The following ELP2 variants were observed in gnomAD, a reference collection of about 807,000 sequenced individuals.
ELP2 encodes elongator acetyltransferase complex subunit 2.
In ELP2, 90 loss-of-function variants were observed where a neutral mutation model predicts 119.2. That is an observed-to-expected ratio of 0.75 (90% CI 0.64 to 0.90). The LOEUF (loss-of-function observed/expected upper bound fraction) is 0.90, where lower values mean the gene tolerates loss of function less well. Ranked by LOEUF, ELP2 falls within the 40% of genes least tolerant of loss-of-function variation. The probability of loss-of-function intolerance (pLI) is 0.00; values close to 1 mark genes in which losing one functional copy is unlikely to be tolerated. For synonymous variants in ELP2, 339 were observed against 331.0 expected (o/e 1.02, Z -0.26); for missense variants, 921 against 967.8 (o/e 0.95, Z 0.64).
chr18:36,146,783 C>T (rs912845586), intron 11 of ELP2, among the ~76,000 whole-genome samples: 20 of 151,988 alleles, frequency 1.3e-4, no homozygotes, highest in Non-Finnish European at 1.5e-5. Context: ...TGGAGGATTG[C>T]TTGAAGCTAG....
chr18:36,131,016 A>T (rs75090461), intron 1 of ELP2, among the ~76,000 whole-genome samples: 10,404 of 150,138 alleles, frequency 0.069, 429 homozygotes, highest in Non-Finnish European at 0.095. Context: ...AAAAAGTTTA[A>T]AAAAAAAAAT....
At chr18:36,165,724 A>G (rs890959627) in intron 18 of ELP2, among the ~76,000 whole-genome samples, 4 of 152,096 alleles carry the variant, frequency 2.6e-5, no homozygotes, top group Non-Finnish European at 5.9e-5. Context: ...TCTACTAAAA[A>G]TACAAAAATT....
At chr18:36,141,880 A>G (rs1242141897) in intron 6 of ELP2, among the ~76,000 whole-genome samples, 1 of 151,986 alleles carries the variant, frequency 6.6e-6, no homozygotes, top group East Asian at 1.9e-4. Context: ...TTGTAGACAC[A>G]GGGTCTCACT....
chr18:36,130,234 C>A (rs2144535630), intron 1 of ELP2, among the ~76,000 whole-genome samples, 163 bp downstream of exon 1: 1 of 152,252 alleles, frequency 6.6e-6, no homozygotes, highest in East Asian at 1.9e-4. Flanking sequence ...CTGCCGGACT[C>A]GCTCCTCACC....
intron 14 of ELP2, 60 bp downstream of exon 14, chr18:36,158,964 A>C (rs1328989788): frequency 8.6e-7 from 1 of 1,162,634 alleles, no homozygotes; most frequent in Non-Finnish European, 1.3e-6. Context: ...CCAGTCATAC[A>C]CTTGTGTAAT....
intron 17 of ELP2, among the ~76,000 whole-genome samples, chr18:36,164,084 A>G (rs908135767): frequency 6.6e-6 from 1 of 152,102 alleles, no homozygotes; most frequent in African/African-American, 2.4e-5. Flanking sequence ...CTCAGGATTG[A>G]TCTTTTTAAA....
chr18:36,146,348 G>C lies in ELP2; in HGVS notation c.1092G>C (p.Ala364=). 6.2e-7 allele frequency: 1 copy of C among 1,614,068 alleles called. No individual in the cohort carries two copies. The highest frequency in any genetic ancestry group is 1.1e-5 in the South Asian group (1 of 91,084). ...TCATTGCTCATGCTTTCCACGGAGC[G>C]TTGCACCTTTGGAAACAGAATACAG... ...SMIIAHAFHG[A]LHLWKQNTVN... is the part of the protein sequence containing the mutation. Residue 364 remains alanine, a synonymous_variant, in exon 11 of 22, where the codon GCG becomes GCC. Transcript: ENST00000358232.
In ELP2 at chr18:36,175,828, A is replaced by G. The variant is rs1598853851; in HGVS notation, c.*1187A>G. ...CATAGAGCCATTTGGCAGATTGACAATGCAGTGACAGCTGTATATAATAAA... is the reference window on the plus strand; with the variant it reads ...CATAGAGCCATTTGGCAGATTGACAGTGCAGTGACAGCTGTATATAATAAA... On this transcript the variant is annotated 3_prime_UTR_variant, in exon 22 of 22. Coordinates refer to ENST00000358232, the MANE Select transcript of ELP2 (RefSeq NM_018255.4). 2 of 152,078 alleles carry G rather than the reference A, an allele frequency of 1.3e-5. No individual in the cohort carries two copies. Among genetic ancestry groups the G allele is most frequent in the African/African-American group, 2.4e-5 (1 of 41,382 alleles). 9.4% of individuals were successfully genotyped at this position (152,078 alleles called of 1,614,324 possible).
intron 2 of ELP2, among the ~76,000 whole-genome samples, chr18:36,133,971 A>G (rs1469984072): frequency 1.5e-5 from 2 of 132,182 alleles, no homozygotes; most frequent in African/African-American, 3.0e-5. Context: ...GTGCAGTGGC[A>G]AGATCTCGGC....
At chr18:36,136,572 G>A (rs1219843675) in intron 3 of ELP2, 195 bp downstream of exon 3, 3 of 596,042 alleles carry the variant, frequency 5.0e-6, no homozygotes, top group Non-Finnish European at 9.0e-6. Flanking sequence ...GTTTGTTTTT[G>A]TAGAGATGGG....
intron 17 of ELP2, among the ~76,000 whole-genome samples, chr18:36,162,361 G>A (rs574156949): frequency 6.6e-6 from 1 of 152,048 alleles, no homozygotes; most frequent in South Asian, 2.1e-4. Context: ...CATCATAATT[G>A]TTTGAGATTT....
Position 36,141,031 on chromosome 18 carries a change from T to C in ELP2, c.524-106T>C, listed in dbSNP as rs371863640. On this transcript the variant is annotated intron_variant, in intron 5 of 21. Coordinates refer to ENST00000358232, the MANE Select transcript of ELP2 (RefSeq NM_018255.4). Reference sequence around the variant, plus strand: ...ATTATTCGTGTAGTGGTGTGGGAAATTGAAGTCAGGATTCTTTACTTAGAG... The same window carrying C: ...ATTATTCGTGTAGTGGTGTGGGAAACTGAAGTCAGGATTCTTTACTTAGAG... 155 of 901,692 alleles carry C rather than the reference T, an allele frequency of 1.7e-4. 1 individual carries two copies. In the African/African-American group the frequency reaches 2.2e-3, roughly 13 times the overall value. 55.9% of individuals were successfully genotyped at this position (901,692 alleles called of 1,614,324 possible).
At chr18:36,145,810 G>C in intron 9 of ELP2, 138 bp from the exon 10 acceptor site, 1 of 769,382 alleles carries the variant, frequency 1.3e-6, no homozygotes, top group East Asian at 2.5e-5. Flanking sequence ...GACATTTGTG[G>C]TGTTTGCAAT....
intron 7 of ELP2, 94 bp downstream of exon 7, chr18:36,142,441 C>A: frequency 9.5e-7 from 1 of 1,049,354 alleles, no homozygotes; most frequent in Non-Finnish European, 1.5e-6. Flanking sequence ...TTTAAGTTTT[C>A]TTTGTATGTT....
chr18:36,129,911 T>C lies in ELP2; in HGVS notation c.-23T>C, dbSNP rs765943171. The C allele has an allele frequency of 2.2e-5, 35 of 1,614,054 alleles. No homozygotes were observed. Among genetic ancestry groups the C allele is most frequent in the Non-Finnish European group, 2.9e-5 (34 of 1,180,040 alleles). ...AGGGCGGAAGTGCGCGTCTCTTGTT[T>C]GTGCGGCTGACCAGTTGGCGACATG... On this transcript the variant is annotated 5_prime_UTR_variant, in exon 1 of 22. Coordinates refer to ENST00000358232, the MANE Select transcript of ELP2 (RefSeq NM_018255.4).
Position 36,161,000 on chromosome 18 carries a change from G to T in ELP2, c.1757G>T (p.Cys586Phe). The T allele has an allele frequency of 6.2e-7, 1 of 1,612,620 alleles. No individual in the cohort carries two copies. The highest frequency in any genetic ancestry group is 1.1e-5 in the South Asian group (1 of 91,050). ...TCAAAGACTCTGCTTGCCTCAGCTT[G>T]TAAGGTAGGGAAGTTTACTTTTGAT... The part of the protein sequence containing the change: ...NSSKTLLASA[C>F]KAAKKEHAAI... Residue 586 changes from cysteine to phenylalanine, a missense_variant, in exon 17 of 22, where the codon TGT (cysteine) becomes TTT (phenylalanine). Physicochemically the swap from Cys to Phe is radical, Grantham distance 205 (BLOSUM62 -2). Coordinates refer to ENST00000358232, the MANE Select transcript of ELP2 (RefSeq NM_018255.4).
At chr18:36,148,572 A>G (rs1210880782) in intron 11 of ELP2, among the ~76,000 whole-genome samples, 1 of 152,190 alleles carries the variant, frequency 6.6e-6, no homozygotes, top group African/African-American at 2.4e-5. Flanking sequence ...ACATCAAAAA[A>G]TATAGGCTGG....
rs2090714037 is a variant in ELP2, at chr18:36,160,800, AAC to A, written c.1689-130_1689-129del. 6.0e-6 allele frequency: 4 copies of A among 665,490 alleles called. No homozygotes were observed. In the Admixed American group the frequency reaches 9.8e-5, roughly 16 times the overall value. 41.2% of individuals were successfully genotyped at this position (665,490 alleles called of 1,614,324 possible). ...TTTCTCTCAAATGTTTGCCTAGACA[AAC>A]ATACAATGTTCCTTAAAAGAATTGT... On this transcript the variant is annotated intron_variant, in intron 16 of 21. Transcript: ENST00000358232.
chr18:36,137,665 A>T (rs1218180360), intron 3 of ELP2, among the ~76,000 whole-genome samples: 1 of 152,148 alleles, frequency 6.6e-6, no homozygotes, highest in Non-Finnish European at 1.5e-5. Context: ...GGGATTTCCC[A>T]CTTCTCTTTG....
Sources: gnomAD v4.1 joint callset for allele counts (sites outside exome capture counted in the v4.1 genomes callset) on GRCh38, gnomAD v4.1.1 for gene constraint, MANE v1.5 for transcripts, NCBI Gene and HGNC (gene_info 2026-07-23, HGNC 2026-07-21) for gene names.